Variants in NAV3 observed in about 807,000 individuals in gnomAD.
The protein encoded by NAV3 is neuron navigator 3.
Under a neutral mutation model 244.7 loss-of-function variants are expected in NAV3, and 87 were observed. The ratio of observed to expected loss-of-function variants is 0.36; its 90% CI spans 0.30 to 0.42. The LOEUF is 0.42. NAV3 is among the 20% of genes least tolerant of loss of function. The probability of loss-of-function intolerance (pLI) is 1.00; values close to 1 mark genes in which losing one functional copy is unlikely to be tolerated. For synonymous variants in NAV3, 1,126 were observed against 1,042.2 expected (o/e 1.08, Z -1.55); for missense variants, 2,663 against 2,893.3 (o/e 0.92, Z 1.83).
chr12:77,819,279 C>T (rs537811421), intron 2 of NAV3, among the ~76,000 whole-genome samples: 5 of 151,772 alleles, frequency 3.3e-5, no homozygotes, highest in African/African-American at 7.3e-5. Flanking sequence ...TTTTTCTTCA[C>T]GTCTCAACTG....
At chr12:77,903,338 C>G (rs905317079) in intron 1 of NAV3, among the ~76,000 whole-genome samples, 3 of 152,054 alleles carry the variant, frequency 2.0e-5, no homozygotes, top group African/African-American at 4.8e-5. Context: ...GAAATAATGC[C>G]GCATATCTAC....
chr12:77,663,579 T>A (rs1873571930), intron 2 of NAV3, among the ~76,000 whole-genome samples: 1 of 150,286 alleles, frequency 6.7e-6, no homozygotes, highest in African/African-American at 2.5e-5. Context: ...TGGAGCGCAA[T>A]GGCGCGATCT....
At chr12:77,794,646 C>A (rs550430391) in intron 2 of NAV3, among the ~76,000 whole-genome samples, 1 of 152,280 alleles carries the variant, frequency 6.6e-6, no homozygotes, top group Non-Finnish European at 1.5e-5. Flanking sequence ...TTTGTGGCAA[C>A]CCTGCATCCA....
chr12:78,164,508 C>T (rs536062284), intron 23 of NAV3, among the ~76,000 whole-genome samples: 21 of 152,140 alleles, frequency 1.4e-4, no homozygotes, highest in Non-Finnish European at 2.1e-4. Flanking sequence ...CCCTAATTTA[C>T]GTTATGATAT....
chr12:78,006,614 C>A lies in NAV3; in HGVS notation c.1076C>A (p.Pro359His). 6.2e-7 allele frequency: 1 copy of A among 1,614,128 alleles called. No homozygotes were observed. The highest frequency in any genetic ancestry group is 2.2e-5 in the East Asian group (1 of 44,854). ...TVKQSSTATSPTPSSDRLKPP... is the reference protein window; with the variant it reads ...TVKQSSTATSHTPSSDRLKPP... ...AAGCAGTCAAGTACAGCCACCTCCC[C>A]CACACCATCTTCAGACAGACTGAAG... Residue 359 changes from proline to histidine, a missense_variant, in exon 8 of 40, where the codon CCC becomes CAC. Physicochemically the swap from Pro to His is moderately conservative, Grantham distance 77. This residue lies in a region of NAV3 where 1,521 missense variants were observed against 1,497.0 expected (regional missense o/e 1.02). Coordinates refer to ENST00000397909, the MANE Select transcript of NAV3 (RefSeq NM_001024383.2).
intron 22 of NAV3, 134 bp downstream of exon 22, chr12:78,149,053 G>T: frequency 1.4e-6 from 1 of 735,782 alleles, no homozygotes; most frequent in South Asian, 2.0e-5. Context: ...CTCATAAAAA[G>T]TTAACATTTT....
rs184775230 is a variant in NAV3, at chr12:78,006,719, G to C, written c.1181G>C (p.Arg394Pro). 2.7e-5 allele frequency: 43 copies of C among 1,613,864 alleles called. No homozygotes were observed. Among genetic ancestry groups the C allele is most frequent in the Non-Finnish European group, 3.4e-5 (40 of 1,180,004 alleles). ...GAGAAATTCAAGCTAGTCAATGCCC[G>C]GACTGCTTTACGCCCCCCGCAGCCT... is the stretch of plus-strand genomic sequence containing the variant. The part of the protein sequence containing the change: ...MLEKFKLVNA[R>P]TALRPPQPPS... The change falls in exon 8 of 40, where the codon CGG (arginine) becomes CCG (proline). Residue 394 changes from arginine to proline, a missense_variant. Arg to Pro is a moderately radical substitution (Grantham distance 103). Around this residue, in one of 6 missense-constraint regions of NAV3, gnomAD observed 1,521 missense variants for 1,497.0 expected, o/e 1.02. Transcript: ENST00000397909.
At chr12:78,053,995 C>A (rs1405547008) in intron 11 of NAV3, among the ~76,000 whole-genome samples, 1 of 152,030 alleles carries the variant, frequency 6.6e-6, no homozygotes, top group Non-Finnish European at 1.5e-5. Flanking sequence ...ATCTTGGGAG[C>A]AGTTTGAATA....
intron 2 of NAV3, among the ~76,000 whole-genome samples, chr12:77,742,159 A>G (rs1868348583): frequency 6.6e-6 from 1 of 151,956 alleles, no homozygotes; most frequent in South Asian, 2.1e-4. Flanking sequence ...AAGTTGTCCT[A>G]TTGCATAATT....
chr12:77,654,526 G>A (rs898443019), intron 2 of NAV3, among the ~76,000 whole-genome samples: 2 of 152,146 alleles, frequency 1.3e-5, no homozygotes, highest in South Asian at 2.1e-4. Context: ...TCTGGGTGTC[G>A]GGCACAGACA....
chr12:78,210,601 A>T lies in NAV3; in HGVS notation c.*84A>T. 1 of 1,505,550 alleles carries T rather than the reference A, an allele frequency of 6.6e-7. No individual in the cohort carries two copies. 93.3% of individuals were successfully genotyped at this position (1,505,550 alleles called of 1,614,324 possible). A position where few individuals can be genotyped will look rare whatever the true frequency, so the allele number is the denominator to read the frequency against. On this transcript the variant is annotated 3_prime_UTR_variant, in exon 40 of 40. Coordinates refer to ENST00000397909, the MANE Select transcript of NAV3 (RefSeq NM_001024383.2). ...GTATTTTCACTAAACCACTGCCAGT[A>T]TAAAAGCACCCTGTCAAGGGCCCTG...
intron 1 of NAV3, among the ~76,000 whole-genome samples, chr12:77,938,247 A>T (rs912005846): frequency 6.6e-6 from 1 of 152,236 alleles, no homozygotes; most frequent in Non-Finnish European, 1.5e-5. Flanking sequence ...AATTCTAAAC[A>T]GTATAAAATC....
chr12:77,975,736 A>T (rs1565978242), intron 5 of NAV3, among the ~76,000 whole-genome samples: 1 of 152,190 alleles, frequency 6.6e-6, no homozygotes. Flanking sequence ...ATTCAAAGAA[A>T]CATAAGAATA....
chr12:78,089,094 C>T (rs300484), intron 12 of NAV3, among the ~76,000 whole-genome samples: 9 of 151,936 alleles, frequency 5.9e-5, no homozygotes, highest in Non-Finnish European at 4.4e-5. Context: ...TTGCAAATAT[C>T]GCAGGTCAGG....
intron 2 of NAV3, among the ~76,000 whole-genome samples, chr12:77,584,758 A>G (rs1026054356): frequency 3.9e-5 from 6 of 152,240 alleles, no homozygotes; most frequent in Admixed American, 3.3e-4. Context: ...TTGGATACAG[A>G]CAGTATGTGC....
intron 12 of NAV3, among the ~76,000 whole-genome samples, chr12:78,113,498 C>A (rs946726023): frequency 1.3e-5 from 2 of 152,166 alleles, no homozygotes; most frequent in East Asian, 1.9e-4. Flanking sequence ...GGCTCAACAC[C>A]CCATGGAAGC....
rs967696503 is a variant in NAV3, at chr12:77,605,678, T to G, written c.72+33412T>G. Among the ~76,000 whole-genome samples, 4 of 152,226 alleles carry G rather than the reference T, an allele frequency of 2.6e-5. No individual in the cohort carries two copies. In the East Asian group the frequency reaches 5.8e-4, roughly 22 times the overall value. On this transcript the variant is annotated intron_variant, in intron 2 of 8. Transcript: ENST00000550042. ...TAATCATACTTCTTGGATCTTTGAT[T>G]GTAGTAAAAGAGTACATCCTATGTG...
chr12:78,024,700 G>A (rs898577061), intron 9 of NAV3, among the ~76,000 whole-genome samples: 8 of 152,084 alleles, frequency 5.3e-5, no homozygotes, highest in Non-Finnish European at 1.0e-4. Context: ...CTTCCTGGCC[G>A]GGTGCGGTGT....
At chr12:77,738,460 TAAGTATA>T (rs987391798) in intron 2 of NAV3, among the ~76,000 whole-genome samples, 45 of 152,334 alleles carry the variant, frequency 3.0e-4, no homozygotes, top group African/African-American at 1.1e-3. Context: ...CATGACTTCT[TAAGTATA>T]ACTCTGCTTC....
Sources: gnomAD v4.1 joint callset for allele counts (sites outside exome capture counted in the v4.1 genomes callset) on GRCh38, gnomAD v4.1.1 for gene constraint, gnomAD v4.1.1 regional missense constraint, MANE v1.5 for transcripts, NCBI Gene and HGNC (gene_info 2026-07-23, HGNC 2026-07-21) for gene names.